RALYL: variants seen among roughly 807,000 people sequenced by gnomAD.
RALYL encodes RALY RNA binding protein like, also known as RNA-binding Raly-like protein.
In RALYL, 29 loss-of-function variants were observed where a neutral mutation model predicts 35.1. The observed-to-expected ratio is 0.83, with a 90% CI of 0.61 to 1.13. RALYL has a LOEUF of 1.13. Among genes scored for constraint, RALYL ranks in the 50% most tolerant of loss-of-function variants. The pLI, the probability that RALYL is intolerant of heterozygous loss-of-function variation, is 0.00. For missense variants in RALYL, 359 were observed against 360.4 expected, an observed-to-expected ratio of 1.00 and a Z score of 0.03; for synonymous variants, 120 against 127.6, an observed-to-expected ratio of 0.94 and a Z score of 0.40.
chr8:84,188,060 TCTGA>T (rs1317554686), intron 1 of RALYL, among the ~76,000 whole-genome samples: 1 of 152,122 alleles, frequency 6.6e-6, no homozygotes, highest in Non-Finnish European at 1.5e-5. Flanking sequence ...GATTTTTCTC[TCTGA>T]CTTTTGAAAC....
At chr8:84,640,977 C>A (rs527737554) in intron 2 of RALYL, among the ~76,000 whole-genome samples, 1 of 151,626 alleles carries the variant, frequency 6.6e-6, no homozygotes, top group Admixed American at 6.6e-5. Context: ...TTTCATGAAC[C>A]TTGTCACAGC....
At position 84,731,688 on chromosome 8, in the gene RALYL, A is replaced by G. The variant is rs141957435; in HGVS notation, c.257-42891A>G. Reference sequence around the variant, plus strand: ...CCTGCTACAGTTTGTTTTGTATACTATAGCCAGGATGATGTTTTTAAAATC... The same window carrying G: ...CCTGCTACAGTTTGTTTTGTATACTGTAGCCAGGATGATGTTTTTAAAATC... On this transcript the variant is annotated intron_variant, in intron 2 of 8. Transcript: ENST00000521268. Among the ~76,000 whole-genome samples, 40 of 152,246 alleles carry G rather than the reference A, an allele frequency of 2.6e-4. 1 individual carries two copies. In the East Asian group the frequency reaches 7.2e-3, roughly 27 times the overall value.
intron 1 of RALYL, among the ~76,000 whole-genome samples, chr8:84,245,737 T>C (rs1828951298): frequency 6.6e-6 from 1 of 152,108 alleles, no homozygotes; most frequent in African/African-American, 2.4e-5. Flanking sequence ...GTATGCATGA[T>C]AGCATGTTTA....
At chr8:84,287,739 G>C (rs1837939938) in intron 1 of RALYL, among the ~76,000 whole-genome samples, 1 of 152,136 alleles carries the variant, frequency 6.6e-6, no homozygotes, top group African/African-American at 2.4e-5. Context: ...AAATAATTTT[G>C]CTGATAATTT....
chr8:84,642,441 A>AG (rs1459612565), intron 2 of RALYL, among the ~76,000 whole-genome samples: 1 of 151,950 alleles, frequency 6.6e-6, no homozygotes, highest in Non-Finnish European at 1.5e-5. Flanking sequence ...TACATTCTAG[A>AG]TAGACCATAA....
chr8:84,750,077 C>G (rs1292975640), intron 2 of RALYL, among the ~76,000 whole-genome samples: 3 of 152,178 alleles, frequency 2.0e-5, no homozygotes, highest in Non-Finnish European at 2.9e-5. Context: ...TCTCAGCACA[C>G]TCTGTGATTA....
In RALYL at chr8:84,492,969, C is replaced by T. The variant is rs149201747; in HGVS notation, c.-23-36330C>T. On this transcript the variant is annotated intron_variant, in intron 1 of 8. Transcript: ENST00000521268. Reference sequence around the variant, plus strand: ...GCAGAATGTGCAGGTTTGTTACATACGTATACGTGTACCATGGTGGTTTGC... The same window carrying T: ...GCAGAATGTGCAGGTTTGTTACATATGTATACGTGTACCATGGTGGTTTGC... Among the ~76,000 whole-genome samples, 602 of 152,062 alleles carry T rather than the reference C, an allele frequency of 4.0e-3. 5 individuals carry two copies. The highest frequency in any genetic ancestry group is 0.014 in the African/African-American group (575 of 41,482).
chr8:84,372,894 T>G (rs953505726), intron 1 of RALYL, among the ~76,000 whole-genome samples: 3 of 125,098 alleles, frequency 2.4e-5, no homozygotes, highest in African/African-American at 6.2e-5. Context: ...CTGTTTTTTT[T>G]TTTTTTTTTT....
At chr8:84,519,679 C>A (rs1345718880) in intron 1 of RALYL, among the ~76,000 whole-genome samples, 2 of 152,130 alleles carry the variant, frequency 1.3e-5, no homozygotes, top group East Asian at 1.9e-4. Flanking sequence ...GGCTTCTAGA[C>A]CTTCTTTTAA....
chr8:84,215,402 A>T (rs1820564399), intron 1 of RALYL, among the ~76,000 whole-genome samples: 1 of 152,046 alleles, frequency 6.6e-6, no homozygotes, highest in Admixed American at 6.6e-5. Flanking sequence ...ATACCTTACC[A>T]TTTATTGATT....
intron 1 of RALYL, among the ~76,000 whole-genome samples, chr8:84,258,450 A>T (rs73299831): frequency 0.013 from 1,927 of 152,232 alleles, 57 homozygotes; most frequent in African/African-American, 0.043. Context: ...TGCTTAGTTG[A>T]AGATGAACTA....
chr8:84,460,250 T>C (rs189485694), intron 1 of RALYL, among the ~76,000 whole-genome samples: 1 of 151,794 alleles, frequency 6.6e-6, no homozygotes, highest in East Asian at 1.9e-4. Context: ...TCTAAATGGG[T>C]AGAATGCTTA....
intron 1 of RALYL, among the ~76,000 whole-genome samples, chr8:84,352,909 C>T (rs1022745394): frequency 6.7e-6 from 1 of 149,858 alleles, no homozygotes; most frequent in African/African-American, 2.5e-5. Flanking sequence ...ATTGTAAACT[C>T]TTTTTAGTAA....
At chr8:84,268,971 G>A (rs1406641263) in intron 1 of RALYL, among the ~76,000 whole-genome samples, 1 of 152,092 alleles carries the variant, frequency 6.6e-6, no homozygotes, top group Admixed American at 6.6e-5. Context: ...ACTATAACAT[G>A]CCCACTACTA....
At chr8:84,590,500 A>G (rs1263949567) in intron 2 of RALYL, among the ~76,000 whole-genome samples, 1 of 152,232 alleles carries the variant, frequency 6.6e-6, no homozygotes, top group Non-Finnish European at 1.5e-5. Context: ...ATAAGGAGAT[A>G]TAAGGTGTGA....
At chr8:84,404,745 G>A (rs1034744014) in intron 1 of RALYL, among the ~76,000 whole-genome samples, 1 of 152,020 alleles carries the variant, frequency 6.6e-6, no homozygotes, top group Non-Finnish European at 1.5e-5. Context: ...TAAAAGTAAT[G>A]GTACCAGCTC....
chr8:84,641,122 ATCTTT>A (rs1205721694), intron 2 of RALYL, among the ~76,000 whole-genome samples: 2 of 151,354 alleles, frequency 1.3e-5, no homozygotes, highest in Admixed American at 6.6e-5. Context: ...TAAAATTATT[ATCTTT>A]TCTTTATAAC....
intron 2 of RALYL, among the ~76,000 whole-genome samples, chr8:84,642,634 T>G (rs1222121418): frequency 6.6e-6 from 1 of 152,092 alleles, no homozygotes; most frequent in African/African-American, 2.4e-5. Context: ...TAGGCCATAC[T>G]ATGTAACCAG....
chr8:84,536,991 A>G (rs978021515), intron 2 of RALYL, among the ~76,000 whole-genome samples: 1 of 152,054 alleles, frequency 6.6e-6, no homozygotes, highest in Non-Finnish European at 1.5e-5. Context: ...TATTTTAAAC[A>G]TCCAATTTTC....
Sources: gnomAD v4.1 joint callset for allele counts (sites outside exome capture counted in the v4.1 genomes callset) on GRCh38, gnomAD v4.1.1 for gene constraint, MANE v1.5 for transcripts, NCBI Gene and HGNC (gene_info 2026-07-23, HGNC 2026-07-21) for gene names.